The following CXCL3 variants were observed in gnomAD, a reference collection of about 807,000 sequenced individuals.
CXCL3 encodes the protein C-X-C motif chemokine 3.
A neutral mutation model predicts 11.5 loss-of-function variants in CXCL3; 10 were observed. The observed-to-expected ratio is 0.87, with a 90% CI of 0.54 to 1.48. The LOEUF (loss-of-function observed/expected upper bound fraction) is 1.48, where lower values mean the gene tolerates loss of function less well. Among genes scored for constraint, CXCL3 ranks in the 40% most tolerant of loss-of-function variants. The pLI, the probability that CXCL3 is intolerant of heterozygous loss-of-function variation, is 0.00. For synonymous variants in CXCL3, 61 were observed against 60.9 expected, an observed-to-expected ratio of 1.00 and a Z score of -0.01; for missense variants, 149 against 139.1, an observed-to-expected ratio of 1.07 and a Z score of -0.36.
rs370332872 is a variant in CXCL3 at position 74,038,197 on chromosome 4, C to T, written c.225-21G>A. On this transcript the variant is annotated intron_variant, in intron 2 of 3. Transcript: ENST00000296026. The stretch of plus-strand genomic sequence containing the variant: ...TGGCTCTGCAGAGAGAAGGGAATTC[C>T]GTGAGACAGGAGGTCGGGCTGGGGA... 14 of 1,613,762 alleles carry T rather than the reference C, an allele frequency of 8.7e-6. No individual in the cohort carries two copies. The African/African-American group carries it at 1.5e-4, about 17-fold the overall frequency.
chr4:74,038,574 G>A lies in CXCL3; in HGVS notation c.38C>T (p.Pro13Leu). 6.7e-7 allele frequency: 1 copy of A among 1,488,228 alleles called. No homozygotes were observed. Among genetic ancestry groups the A allele is most frequent in the East Asian group, 3.0e-5 (1 of 33,822 alleles). 92.2% of individuals were successfully genotyped at this position (1,488,228 alleles called of 1,614,324 possible). The part of the protein sequence containing the change: ...HATLSAAPSN[P>L]RLLRVALLLL... Reference sequence around the variant, plus strand: ...CAGCAGCGCCACCCGCAGGAGCCGGGGATTGCTGGGGGCGGCGGAGAGCGT... The same window carrying A: ...CAGCAGCGCCACCCGCAGGAGCCGGAGATTGCTGGGGGCGGCGGAGAGCGT... The change falls in exon 1 of 4, where the codon CCC becomes CTC. Residue 13 changes from proline to leucine, a missense_variant. Coordinates refer to ENST00000296026, the MANE Select transcript of CXCL3 (RefSeq NM_002090.3).
rs773545719 is a variant in CXCL3 at position 74,038,121 on chromosome 4, G to T, written c.280C>A (p.Gln94Lys). The change falls in exon 3 of 4, where the codon CAG becomes AAG. Residue 94 changes from glutamine (Q) to lysine (K), a missense_variant. By Grantham distance (53) the Gln-to-Lys change is moderately conservative. Transcript: ENST00000296026. The part of the protein sequence containing the change: ...ACLNPASPMV[Q>K]KIIEKILNKG... Reference sequence around the variant, plus strand: ...TTCAGTATCTTTTCGATGATTTTCTGAACCATGGGGGATGCGGGGTTGAGA... The same window carrying T: ...TTCAGTATCTTTTCGATGATTTTCTTAACCATGGGGGATGCGGGGTTGAGA... The T allele has an allele frequency of 2.5e-6, 4 of 1,613,944 alleles. No individual in the cohort carries two copies. The African/African-American group carries it at 5.3e-5, about 22-fold the overall frequency.
At position 74,037,180 on chromosome 4, in the gene CXCL3, TCA is replaced by T; in HGVS notation, c.*80_*81del. On this transcript the variant is annotated 3_prime_UTR_variant, in exon 4 of 4. Transcript: ENST00000296026. ...CCCTAGAAAGCTGCTGTTCTCTTTTTCATTTTCAGCTCTGGTAAGGGCAGGGA... is the reference window on the plus strand; with the variant it reads ...CCCTAGAAAGCTGCTGTTCTCTTTTTTTTTCAGCTCTGGTAAGGGCAGGGA... 5.2e-6 allele frequency: 8 copies of T among 1,544,758 alleles called. No homozygotes were observed. Among genetic ancestry groups the T allele is most frequent in the Admixed American group, 3.5e-5 (2 of 57,502 alleles).
At chr4:74,037,967 T>C in intron 3 of CXCL3, 126 bp downstream of exon 3, 1 of 1,003,426 alleles carries the variant, frequency 1.0e-6, no homozygotes. Flanking sequence ...ATTGTGAAAA[T>C]AATAATCACA....
intron 3 of CXCL3, 137 bp from the exon 4 acceptor site, chr4:74,037,414 G>A (rs1470325976): frequency 1.3e-5 from 10 of 774,514 alleles, no homozygotes; most frequent in East Asian, 6.2e-5. Flanking sequence ...TGTACCCACT[G>A]CCTTCTATAG....
In CXCL3 at chr4:74,038,522, C is replaced by T. The variant is rs903566310; in HGVS notation, c.90G>A (p.Arg30=). The T allele has an allele frequency of 3.4e-6, 5 of 1,482,710 alleles. No individual in the cohort carries two copies. The highest frequency in any genetic ancestry group is 4.5e-6 in the Non-Finnish European group (5 of 1,119,670). The allele number at this position is 1,482,710 out of a possible 1,614,324, so 91.8% of individuals were successfully genotyped here. The change falls in exon 1 of 4, where the codon CGG becomes CGA. Residue 30 remains arginine, a synonymous_variant. Coordinates refer to ENST00000296026, the MANE Select transcript of CXCL3 (RefSeq NM_002090.3). ...LLLLLLVAAS[R]RAAGASVVTE... ...GGCGCCGGGACCCACCTGCTGCGCG[C>T]CGGCTGGCGGCCACCAGGAGCAGGA...
chr4:74,038,431 C>T lies in CXCL3; in HGVS notation c.101-18G>A, dbSNP rs200514475. 6 of 1,606,248 alleles carry T rather than the reference C, an allele frequency of 3.7e-6. No homozygotes were observed. Among genetic ancestry groups the T allele is most frequent in the Non-Finnish European group, 4.2e-6 (5 of 1,176,986 alleles). On this transcript the variant is annotated intron_variant, in intron 1 of 3. Transcript: ENST00000296026. ...GGACGCTCCTAGGGAAGAATAGACT[C>T]GCTGATTGAGCGGGGCTGTCGGCGC...
rs200604462 is a variant in CXCL3, at chr4:74,038,323, G to T, written c.191C>A (p.Ser64Tyr). 2 of 1,614,132 alleles carry T rather than the reference G, an allele frequency of 1.2e-6. No individual in the cohort carries two copies. The highest frequency in any genetic ancestry group is 1.7e-6 in the Non-Finnish European group (2 of 1,179,984). Reference sequence around the variant, plus strand: ...GGTTTGGGCGCAGTGGGGTCCGGGGGACCTTACATTCACACTTTGGATGTT... The same window carrying T: ...GGTTTGGGCGCAGTGGGGTCCGGGGTACCTTACATTCACACTTTGGATGTT... ...LKNIQSVNVRSPGPHCAQTEV... is the reference protein window; with the variant it reads ...LKNIQSVNVRYPGPHCAQTEV... Residue 64 changes from serine to tyrosine, a missense_variant, in exon 2 of 4, where the codon TCC (serine) becomes TAC (tyrosine). Physicochemically the swap from Ser to Tyr is moderately radical, Grantham distance 144. Transcript: ENST00000296026.
At chr4:74,037,968 A>G in intron 3 of CXCL3, 125 bp downstream of exon 3, 2 of 994,000 alleles carry the variant, frequency 2.0e-6, no homozygotes, top group South Asian at 3.0e-5. Flanking sequence ...TTGTGAAAAT[A>G]ATAATCACAA....
chr4:74,037,177 T>G lies in CXCL3; in HGVS notation c.*85A>C, dbSNP rs199753671. ...TGTCCCTAGAAAGCTGCTGTTCTCT[T>G]TTTCATTTTCAGCTCTGGTAAGGGC... On this transcript the variant is annotated 3_prime_UTR_variant, in exon 4 of 4. Transcript: ENST00000296026. 1.3e-6 allele frequency: 2 copies of G among 1,530,880 alleles called. No homozygotes were observed. Among genetic ancestry groups the G allele is most frequent in the Non-Finnish European group, 1.8e-6 (2 of 1,110,434 alleles). The allele number at this position is 1,530,880 out of a possible 1,614,324, so 94.8% of individuals were successfully genotyped here. A position where few individuals can be genotyped will look rare whatever the true frequency, so the allele number is the denominator to read the frequency against.
chr4:74,038,661 C>T lies in CXCL3; in HGVS notation c.-50G>A, dbSNP rs200362235. 457 of 1,377,210 alleles carry T rather than the reference C, an allele frequency of 3.3e-4. 1 individual carries two copies. The African/African-American group carries it at 6.4e-3, about 19-fold the overall frequency. The allele number at this position is 1,377,210 out of a possible 1,614,324, so 85.3% of individuals were successfully genotyped here. A position where few individuals can be genotyped will look rare whatever the true frequency, so the allele number is the denominator to read the frequency against. Reference sequence around the variant, plus strand: ...GCTGTGCGAGAAGCGGGAGAGCTGGCGGGGAGGTGCCTGCGACCCGGGCTG... The same window carrying T: ...GCTGTGCGAGAAGCGGGAGAGCTGGTGGGGAGGTGCCTGCGACCCGGGCTG... On this transcript the variant is annotated 5_prime_UTR_variant, in exon 1 of 4. Transcript: ENST00000296026.
Position 74,038,563 on chromosome 4 carries a change from G to C in CXCL3, c.49C>G (p.Arg17Gly). Residue 17 changes from arginine to glycine, a missense_variant, in exon 1 of 4, where the codon CGG becomes GGG. By Grantham distance (125) the Arg-to-Gly change is moderately radical (BLOSUM62 -2). Transcript: ENST00000296026. Reference sequence around the variant, plus strand: ...AGGAGCAGGAGCAGCAGCGCCACCCGCAGGAGCCGGGGATTGCTGGGGGCG... The same window carrying C: ...AGGAGCAGGAGCAGCAGCGCCACCCCCAGGAGCCGGGGATTGCTGGGGGCG... The part of the protein sequence containing the change: ...SAAPSNPRLL[R>G]VALLLLLLVA... The C allele has an allele frequency of 1.3e-6, 2 of 1,489,978 alleles. No individual in the cohort carries two copies. Among genetic ancestry groups the C allele is most frequent in the Non-Finnish European group, 1.8e-6 (2 of 1,121,526 alleles). The allele number at this position is 1,489,978 out of a possible 1,614,324, so 92.3% of individuals were successfully genotyped here. A position where few individuals can be genotyped will look rare whatever the true frequency, so the allele number is the denominator to read the frequency against.
chr4:74,038,224 A>G (rs1442280178), intron 2 of CXCL3, 48 bp from the exon 3 acceptor site: 1 of 1,613,944 alleles, frequency 6.2e-7, no homozygotes, highest in Admixed American at 1.7e-5. Context: ...GGCTGGGGAC[A>G]GGGTTGGGGC....
In CXCL3 at chr4:74,038,190, G is replaced by C; in HGVS notation, c.225-14C>G. ...TTGAGTGTGGCTCTGCAGAGAGAAG[G>C]GAATTCCGTGAGACAGGAGGTCGGG... On this transcript the variant is annotated splice_polypyrimidine_tract_variant and intron_variant, in intron 2 of 3. Transcript: ENST00000296026. 6.2e-7 allele frequency: 1 copy of C among 1,613,956 alleles called. No individual in the cohort carries two copies. Among genetic ancestry groups the C allele is most frequent in the Non-Finnish European group, 8.5e-7 (1 of 1,179,960 alleles).
chr4:74,037,200 G>C lies in CXCL3; in HGVS notation c.*62C>G. ...CTTTTTCATTTTCAGCTCTGGTAAG[G>C]GCAGGGACCACCCTGCAGGAAGTGT... On this transcript the variant is annotated 3_prime_UTR_variant, in exon 4 of 4. Coordinates refer to ENST00000296026, the MANE Select transcript of CXCL3 (RefSeq NM_002090.3). 1 of 1,592,060 alleles carries C rather than the reference G, an allele frequency of 6.3e-7. No individual in the cohort carries two copies. The highest frequency in any genetic ancestry group is 2.2e-5 in the East Asian group (1 of 44,732).
intron 3 of CXCL3, chr4:74,037,795 CA>C: frequency 2.7e-6 from 1 of 376,994 alleles, no homozygotes; most frequent in Admixed American, 4.6e-5. Flanking sequence ...GTAAACGTCC[CA>C]AAACAGGCAG....
chr4:74,037,448 CT>C (rs3048371), intron 3 of CXCL3, 171 bp from the exon 4 acceptor site: 2,383 of 310,432 alleles, frequency 7.7e-3, no homozygotes, highest in Middle Eastern at 0.019. Context: ...CTCCTGAATG[CT>C]TTTTTTTTTT....
In CXCL3 at chr4:74,038,527, T is replaced by A; in HGVS notation, c.85A>T (p.Ser29Cys). The A allele has an allele frequency of 2.7e-6, 4 of 1,482,972 alleles. No homozygotes were observed. Among genetic ancestry groups the A allele is most frequent in the Non-Finnish European group, 3.6e-6 (4 of 1,119,588 alleles). 91.9% of individuals were successfully genotyped at this position (1,482,972 alleles called of 1,614,324 possible). Residue 29 changes from serine to cysteine, a missense_variant, in exon 1 of 4, where the codon AGC (serine) becomes TGC (cysteine). Physicochemically the swap from Ser to Cys is moderately radical, Grantham distance 112. Coordinates refer to ENST00000296026, the MANE Select transcript of CXCL3 (RefSeq NM_002090.3). ...CGGGACCCACCTGCTGCGCGCCGGCTGGCGGCCACCAGGAGCAGGAGCAGC... is the reference window on the plus strand; with the variant it reads ...CGGGACCCACCTGCTGCGCGCCGGCAGGCGGCCACCAGGAGCAGGAGCAGC... ...ALLLLLLVAA[S>C]RRAAGASVVT...
At position 74,038,208 on chromosome 4, in the gene CXCL3, AG is replaced by A. The variant is rs755866833; in HGVS notation, c.225-33del. On this transcript the variant is annotated intron_variant, in intron 2 of 3. Coordinates refer to ENST00000296026, the MANE Select transcript of CXCL3 (RefSeq NM_002090.3). ...AGAGAAGGGAATTCCGTGAGACAGG[AG>A]GTCGGGCTGGGGACAGGGTTGGGGC... 1.7e-5 allele frequency: 28 copies of A among 1,613,888 alleles called. No individual in the cohort carries two copies. The Admixed American group carries it at 3.7e-4, about 21-fold the overall frequency.
Sources: allele counts gnomAD v4.1 joint callset, GRCh38; gene constraint gnomAD v4.1.1; transcripts MANE v1.5; gene names NCBI Gene and HGNC (gene_info 2026-07-23, HGNC 2026-07-21).